PCDHGA3: variants seen among roughly 807,000 people sequenced by gnomAD.
PCDHGA3 encodes protocadherin gamma subfamily A, 3.
In PCDHGA3, 40 loss-of-function variants were observed where a neutral mutation model predicts 58.5. The observed-to-expected ratio is 0.68, with a 90% confidence interval of 0.53 to 0.89. The LOEUF (loss-of-function observed/expected upper bound fraction) is 0.89, where lower values mean the gene tolerates loss of function less well. Among genes scored for constraint, PCDHGA3 ranks in the 40% least tolerant of loss-of-function variants. The pLI is 0.00. For synonymous variants in PCDHGA3, 530 were observed against 525.7 expected (o/e 1.01, Z -0.11); for missense variants, 1,223 against 1,195.9 (o/e 1.02, Z -0.33).
At chr5:141,360,052 C>T in intron 1 of PCDHGA3, 1 of 1,436,126 alleles carries the variant, frequency 7.0e-7, no homozygotes, top group Non-Finnish European at 9.2e-7. Context: ...AAAACAAAAG[C>T]AGGAAAAGTG....
At chr5:141,374,137 G>T (rs1479377011) in intron 1 of PCDHGA3, 11 of 1,606,212 alleles carry the variant, frequency 6.8e-6, no homozygotes, top group African/African-American at 1.3e-5. Flanking sequence ...TGCTCCTCAC[G>T]CTCCTGGGGA....
chr5:141,353,496 T>C lies in PCDHGA3; in HGVS notation c.2424+7039T>C, dbSNP rs568186327. ...TTAAGACTCTTAACACTTTGTCTCA[T>C]CACAAGTAGCAAATATTGTCCAATT... On this transcript the variant is annotated intron_variant, in intron 1 of 3. Coordinates refer to ENST00000253812, the MANE Select transcript of PCDHGA3 (RefSeq NM_018916.4). 2.6e-5 allele frequency among the ~76,000 whole-genome samples: 4 copies of C among 152,300 alleles called. No individual in the cohort carries two copies. The South Asian group carries it at 8.3e-4, about 32-fold the overall frequency.
At chr5:141,421,993 A>G in intron 1 of PCDHGA3, 1 of 1,609,190 alleles carries the variant, frequency 6.2e-7, no homozygotes, top group South Asian at 1.1e-5. Flanking sequence ...TCCAGAAAAC[A>G]TCAGCTCCGG....
At chr5:141,352,186 G>A (rs767244296) in intron 1 of PCDHGA3, 3 of 1,613,870 alleles carry the variant, frequency 1.9e-6, no homozygotes, top group Non-Finnish European at 2.5e-6. Context: ...TGGTCGCTGT[G>A]CGTGATGGAG....
rs758879836 is a variant in PCDHGA3 at position 141,400,006 on chromosome 5, G to A, written c.2424+53549G>A. 3 of 1,612,536 alleles carry A rather than the reference G, an allele frequency of 1.9e-6. No homozygotes were observed. The South Asian group carries it at 3.3e-5, about 18-fold the overall frequency. On this transcript the variant is annotated intron_variant, in intron 1 of 3. Coordinates refer to ENST00000253812, the MANE Select transcript of PCDHGA3 (RefSeq NM_018916.4). ...CACAGGAGAGGTGCGCACAGCGCGT[G>A]CCTTGGGCGACAGGGACGCGGCCCG...
intron 1 of PCDHGA3, chr5:141,422,395 C>T: frequency 1.9e-6 from 3 of 1,596,286 alleles, no homozygotes; most frequent in South Asian, 1.1e-5. Context: ...TATTCCTAAC[C>T]ACCTGCCTTT....
At chr5:141,421,316 G>A in intron 1 of PCDHGA3, 1 of 1,613,866 alleles carries the variant, frequency 6.2e-7, no homozygotes, top group Non-Finnish European at 8.5e-7. Flanking sequence ...TTCCGGGCCA[G>A]GCAGATCCGA....
rs182132552 is a variant in PCDHGA3 at position 141,435,146 on chromosome 5, T to A, written c.2425-59661T>A. Among the ~76,000 whole-genome samples the A allele has an allele frequency of 4.6e-3, 696 of 152,288 alleles. 5 individuals carry two copies. Among genetic ancestry groups the A allele is most frequent in the African/African-American group, 0.016 (677 of 41,554 alleles). ...ATGGAAAATATAAATAAAATTGTGA[T>A]AAACTTTTGTAAATAGAGTGGCTTT... On this transcript the variant is annotated intron_variant, in intron 1 of 3. Transcript: ENST00000253812.
In PCDHGA3 at chr5:141,365,440, C is replaced by A. The variant is rs1454096579; in HGVS notation, c.2424+18983C>A. On this transcript the variant is annotated intron_variant, in intron 1 of 3. Transcript: ENST00000253812. Reference sequence around the variant, plus strand: ...CCGGAACTGTAATCGCGCTGTTTAGCGTACATGATGGTGATTCTGGAGAAA... The same window carrying A: ...CCGGAACTGTAATCGCGCTGTTTAGAGTACATGATGGTGATTCTGGAGAAA... 5.0e-6 allele frequency: 8 copies of A among 1,613,836 alleles called. No homozygotes were observed. The Admixed American group carries it at 6.7e-5, about 13-fold the overall frequency.
intron 1 of PCDHGA3, chr5:141,370,273 C>A: frequency 1.2e-6 from 1 of 809,002 alleles, no homozygotes; most frequent in Non-Finnish European, 1.9e-6. Context: ...GCAGCGGAGA[C>A]ACCCATTAGA....
chr5:141,504,705 T>C (rs960774850), intron 2 of PCDHGA3, among the ~76,000 whole-genome samples: 19 of 151,608 alleles, frequency 1.3e-4, no homozygotes, highest in Middle Eastern at 3.4e-3. Flanking sequence ...GGTTCTTCTA[T>C]GGCCGTGGAT....
chr5:141,455,037 C>T (rs1251627513), intron 1 of PCDHGA3, among the ~76,000 whole-genome samples: 1 of 151,744 alleles, frequency 6.6e-6, no homozygotes, highest in Non-Finnish European at 1.5e-5. Flanking sequence ...TGGTCTCGAT[C>T]TCCTGACCTC....
In PCDHGA3 at chr5:141,463,438, C is replaced by CTTT. The variant is rs71576115; in HGVS notation, c.2425-31343_2425-31341dup. ...GTTTGCGGATCCTCATTTCCTTCTC[C>CTTT]TTTTTTTTTTTTTTTTTTTTTTTTT... On this transcript the variant is annotated intron_variant, in intron 1 of 3. Coordinates refer to ENST00000253812, the MANE Select transcript of PCDHGA3 (RefSeq NM_018916.4). 5.0e-3 allele frequency among the ~76,000 whole-genome samples: 517 copies of CTTT among 103,248 alleles called. 61 individuals are homozygous for CTTT. The highest frequency in any genetic ancestry group is 0.017 in the African/African-American group (381 of 22,398). The allele number at this position is 103,248 out of a possible 152,430, so 67.7% of individuals were successfully genotyped here.
chr5:141,478,692 A>C (rs1459911657), intron 1 of PCDHGA3: 2 of 1,550,666 alleles, frequency 1.3e-6, no homozygotes, highest in African/African-American at 2.7e-5. Context: ...CCTAGATCAA[A>C]GTTAGTGCCT....
At chr5:141,415,749 T>TG in intron 1 of PCDHGA3, 2 of 1,214,000 alleles carry the variant, frequency 1.6e-6, no homozygotes, top group Non-Finnish European at 1.1e-6. Context: ...GGTTTTTTTT[T>TG]TTTTTTTTTT....
rs371245499 is a variant in PCDHGA3 at position 141,399,811 on chromosome 5, G to T, written c.2424+53354G>T. 1.0e-4 allele frequency: 169 copies of T among 1,613,100 alleles called. No homozygotes were observed. The highest frequency in any genetic ancestry group is 1.4e-4 in the Non-Finnish European group (163 of 1,179,762). ...CAACGCACCGCGGGTGCTGTACCCC[G>T]CGCTGGGTCCCGACGGCTCTGCGCT... On this transcript the variant is annotated intron_variant, in intron 1 of 3. Coordinates refer to ENST00000253812, the MANE Select transcript of PCDHGA3 (RefSeq NM_018916.4).
chr5:141,352,657 T>C (rs1387193167), intron 1 of PCDHGA3: 1 of 1,596,844 alleles, frequency 6.3e-7, no homozygotes, highest in Admixed American at 1.8e-5. Flanking sequence ...ATGACCCTTC[T>C]TTGTCTTCGC....
chr5:141,351,096 T>C, intron 1 of PCDHGA3: 1 of 1,614,058 alleles, frequency 6.2e-7, no homozygotes, highest in Non-Finnish European at 8.5e-7. Flanking sequence ...TATGCCTTCC[T>C]CAATTCCCCA....
rs987773604 is a variant in PCDHGA3 at position 141,409,588 on chromosome 5, C to G, written c.2424+63131C>G. 5.6e-6 allele frequency: 9 copies of G among 1,613,760 alleles called. 1 individual carries two copies. The highest frequency in any genetic ancestry group is 7.6e-6 in the Non-Finnish European group (9 of 1,179,892). On this transcript the variant is annotated intron_variant, in intron 1 of 3. Transcript: ENST00000253812. ...AGACGTCCTACGTGGTCCACGTGGC[C>G]GAGAACAACCCGCCAGGAGCCTCCA...
Sources: allele counts gnomAD v4.1 joint callset (sites outside exome capture counted in the v4.1 genomes callset), GRCh38; gene constraint gnomAD v4.1.1; transcripts MANE v1.5; gene names NCBI Gene and HGNC (gene_info 2026-07-23, HGNC 2026-07-21).